TBL1XR1: variants seen among roughly 807,000 people sequenced by gnomAD.
The protein encoded by TBL1XR1 is TBL1X/Y related 1.
TBL1XR1 carries 5 observed loss-of-function variants against 66.9 expected under a neutral mutation model. The observed-to-expected ratio is 0.07, with a 90% CI of 0.04 to 0.16. The LOEUF (loss-of-function observed/expected upper bound fraction) is 0.16, where lower values mean the gene tolerates loss of function less well. Among genes scored for constraint, TBL1XR1 ranks in the 10% least tolerant of loss-of-function variants. TBL1XR1 has a pLI of 1.00. For missense variants in TBL1XR1, 238 were observed against 623.2 expected, an observed-to-expected ratio of 0.38 and a Z score of 6.58; for synonymous variants, 210 against 206.0, an observed-to-expected ratio of 1.02 and a Z score of -0.17.
rs1480319800 is a variant in TBL1XR1, at chr3:177,024,120, A to G, written c.*1378T>C. 3.3e-5 allele frequency: 5 copies of G among 152,464 alleles called. No homozygotes were observed. The highest frequency in any genetic ancestry group is 1.2e-4 in the African/African-American group (5 of 41,402). 9.4% of individuals were successfully genotyped at this position (152,464 alleles called of 1,614,324 possible). ...GATTACTAAAAAAAAAAAAATTAGCAGCTTAAATCTATCTATATTTGAAAA... is the reference window on the plus strand; with the variant it reads ...GATTACTAAAAAAAAAAAAATTAGCGGCTTAAATCTATCTATATTTGAAAA... On this transcript the variant is annotated 3_prime_UTR_variant, in exon 16 of 16. Coordinates refer to ENST00000457928, the MANE Select transcript of TBL1XR1 (RefSeq NM_024665.7).
At chr3:177,121,632 A>T (rs1031652170) in intron 1 of TBL1XR1, among the ~76,000 whole-genome samples, 5 of 152,218 alleles carry the variant, frequency 3.3e-5, no homozygotes, top group African/African-American at 1.2e-4. Flanking sequence ...CTTATCTGGT[A>T]ATTAACATAA....
chr3:177,118,837 C>CTTAA (rs35329014), intron 1 of TBL1XR1, among the ~76,000 whole-genome samples: 2 of 151,840 alleles, frequency 1.3e-5, no homozygotes, highest in East Asian at 1.9e-4. Flanking sequence ...TCAAGAGATA[C>CTTAA]GATTTAGCAT....
chr3:177,119,775 G>A (rs539287683), intron 1 of TBL1XR1, among the ~76,000 whole-genome samples: 1 of 152,184 alleles, frequency 6.6e-6, no homozygotes, highest in African/African-American at 2.4e-5. Flanking sequence ...CACACGACAC[G>A]AAGAAACATT....
intron 1 of TBL1XR1, among the ~76,000 whole-genome samples, chr3:177,118,523 G>A (rs947479669): frequency 1.3e-5 from 2 of 152,126 alleles, no homozygotes; most frequent in African/African-American, 2.4e-5. Context: ...ACAACGGAAG[G>A]AAGAAGAAAG....
At chr3:177,030,881 G>A (rs1713889607) in intron 14 of TBL1XR1, among the ~76,000 whole-genome samples, 1 of 152,198 alleles carries the variant, frequency 6.6e-6, no homozygotes, top group Non-Finnish European at 1.5e-5. Context: ...GGAGGCCAAG[G>A]CGGGTGGATG....
At chr3:177,123,185 G>GT (rs1201928907) in intron 1 of TBL1XR1, among the ~76,000 whole-genome samples, 2 of 151,872 alleles carry the variant, frequency 1.3e-5, no homozygotes, top group African/African-American at 2.4e-5. Context: ...TATTGTAATA[G>GT]TTTTTTTAAA....
At chr3:177,166,294 C>A (rs1358871374) in intron 1 of TBL1XR1, among the ~76,000 whole-genome samples, 1 of 152,086 alleles carries the variant, frequency 6.6e-6, no homozygotes, top group Non-Finnish European at 1.5e-5. Flanking sequence ...TAAAAACTCA[C>A]CAATAGGGAA....
intron 1 of TBL1XR1, among the ~76,000 whole-genome samples, chr3:177,183,133 A>C (rs940199837): frequency 6.6e-6 from 1 of 152,200 alleles, no homozygotes; most frequent in Non-Finnish European, 1.5e-5. Flanking sequence ...TAACTCATCC[A>C]TGCTCTGTCA....
Position 177,051,635 on chromosome 3 carries a change from T to C in TBL1XR1, c.296A>G (p.Tyr99Cys), listed in dbSNP as rs1717107237. The C allele has an allele frequency of 6.2e-7, 1 of 1,613,610 alleles. No individual in the cohort carries two copies. Among genetic ancestry groups the C allele is most frequent in the African/African-American group, 1.3e-5 (1 of 74,868 alleles). The stretch of plus-strand genomic sequence containing the variant: ...CTGTTGCTGTGCAAGCTTATCTCTA[T>C]AAGCTTGTTGTCTTGTTTGTACTAC... ...PDVVQTRQQA[Y>C]RDKLAQQQAA... Residue 99 changes from tyrosine to cysteine, a missense_variant, in exon 5 of 16, where the codon TAT becomes TGT. Transcript: ENST00000457928.
In TBL1XR1 at chr3:177,139,090, T is replaced by C. The variant is rs146664921; in HGVS notation, c.-121-40549A>G. Among the ~76,000 whole-genome samples the C allele has an allele frequency of 8.9e-4, 135 of 152,156 alleles. 1 individual carries two copies. The highest frequency in any genetic ancestry group is 3.1e-3 in the African/African-American group (130 of 41,524). On this transcript the variant is annotated intron_variant, in intron 1 of 15. Coordinates refer to ENST00000457928, the MANE Select transcript of TBL1XR1 (RefSeq NM_024665.7). ...TAGTATAAAAGGTGCAAGAGGAACA[T>C]ACAGAAATCAGCGAACAGACAAACA...
At chr3:177,176,996 A>G (rs979371312) in intron 1 of TBL1XR1, among the ~76,000 whole-genome samples, 5 of 152,044 alleles carry the variant, frequency 3.3e-5, no homozygotes, top group African/African-American at 1.2e-4. Context: ...GAAAAAGGAA[A>G]ATAGCAGGGC....
chr3:177,120,814 T>G (rs1467137469), intron 1 of TBL1XR1: 1 of 152,280 alleles, frequency 6.6e-6, no homozygotes, highest in Non-Finnish European at 1.5e-5. Context: ...ATTTACAGTA[T>G]TTTAATCACT....
At chr3:177,149,923 A>G (rs1263452040) in intron 1 of TBL1XR1, among the ~76,000 whole-genome samples, 6 of 152,192 alleles carry the variant, frequency 3.9e-5, no homozygotes, top group African/African-American at 1.4e-4. Flanking sequence ...TCTGCTCTAA[A>G]ATTATTCTAA....
At chr3:177,078,953 G>GA (rs1057402044) in intron 2 of TBL1XR1, among the ~76,000 whole-genome samples, 16 of 146,292 alleles carry the variant, frequency 1.1e-4, no homozygotes, top group Admixed American at 2.0e-4. Flanking sequence ...CGTCTCAAAA[G>GA]AAAAAAAAAA....
intron 1 of TBL1XR1, among the ~76,000 whole-genome samples, chr3:177,127,925 C>T (rs1410371553): frequency 6.6e-6 from 1 of 152,098 alleles, no homozygotes; most frequent in African/African-American, 2.4e-5. Flanking sequence ...ATAATCAAAA[C>T]ATTGTAAAAC....
At position 177,049,984 on chromosome 3, in the gene TBL1XR1, T is replaced by G. The variant is rs751169814; in HGVS notation, c.702+13A>C. ...CTAGTAATTATATCCATCATGGATA[T>G]AGTGATACTCACATTCCAATCTAGA... On this transcript the variant is annotated intron_variant, in intron 7 of 15. Transcript: ENST00000457928. The G allele has an allele frequency of 4.3e-6, 7 of 1,612,686 alleles. No individual in the cohort carries two copies. The South Asian group carries it at 6.6e-5, about 15-fold the overall frequency.
intron 1 of TBL1XR1, among the ~76,000 whole-genome samples, chr3:177,127,481 A>T (rs1436840672): frequency 3.3e-5 from 5 of 152,184 alleles, no homozygotes. Flanking sequence ...GCAGGTGCTC[A>T]AGAAACACTT....
intron 1 of TBL1XR1, among the ~76,000 whole-genome samples, chr3:177,172,028 G>A (rs186614604): frequency 2.6e-4 from 39 of 152,218 alleles, no homozygotes; most frequent in African/African-American, 9.4e-4. Context: ...CACTTTGGGA[G>A]GCCAAGGCAG....
At chr3:177,141,458 T>C (rs1217038057) in intron 1 of TBL1XR1, among the ~76,000 whole-genome samples, 2 of 151,956 alleles carry the variant, frequency 1.3e-5, no homozygotes, top group Admixed American at 6.5e-5. Context: ...ACAGTATGCA[T>C]ATGATCTCAA....
Sources: allele counts gnomAD v4.1 joint callset (sites outside exome capture counted in the v4.1 genomes callset), GRCh38; gene constraint gnomAD v4.1.1; transcripts MANE v1.5; gene names NCBI Gene and HGNC (gene_info 2026-07-23, HGNC 2026-07-21).